ESR1: variants seen among roughly 807,000 people sequenced by gnomAD.
The protein encoded by ESR1 is estrogen receptor.
Under a neutral mutation model 52.7 loss-of-function variants are expected in ESR1, and 12 were observed. That is an observed-to-expected ratio of 0.23 (90% CI 0.15 to 0.37). The LOEUF (loss-of-function observed/expected upper bound fraction) is 0.37. Ranked by LOEUF, ESR1 falls within the 10% of genes least tolerant of loss-of-function variation. ESR1 has a pLI of 1.00. For missense variants in ESR1, 584 were observed against 779.7 expected (o/e 0.75, Z 2.99); for synonymous variants, 305 against 316.8 (o/e 0.96, Z 0.39).
At chr6:151,931,693 A>G (rs926023516) in intron 3 of ESR1, among the ~76,000 whole-genome samples, 6 of 145,856 alleles carry the variant, frequency 4.1e-5, no homozygotes, top group Non-Finnish European at 6.0e-5. Flanking sequence ...ATGAGTGAGA[A>G]TATGCGGTGT....
chr6:152,105,777 T>TC (rs2051058693), downstream of ESR1, among the ~76,000 whole-genome samples: 1 of 126,752 alleles, frequency 7.9e-6, no homozygotes, highest in South Asian at 2.8e-4. Flanking sequence ...GTATGCATCT[T>TC]TTTTTTTTTT....
intron 6 of ESR1, chr6:152,122,766 G>A: frequency 6.3e-7 from 1 of 1,594,438 alleles, no homozygotes; most frequent in Non-Finnish European, 8.5e-7. Context: ...GAAGCTAAAG[G>A]GCCATGCCAA....
intron 1 of ESR1, among the ~76,000 whole-genome samples, chr6:151,837,208 C>T (rs972823256): frequency 6.1e-5 from 9 of 147,292 alleles, no homozygotes; most frequent in African/African-American, 2.3e-4. Flanking sequence ...TCAAGCAATT[C>T]TCTGCCTCAG....
At chr6:151,687,918 G>A (rs998415334), upstream of ESR1, among the ~76,000 whole-genome samples, 12 of 152,132 alleles carry the variant, frequency 7.9e-5, no homozygotes, top group African/African-American at 2.7e-4. Flanking sequence ...GTAATGGCAT[G>A]ATACATCTCT....
chr6:152,047,072 A>G (rs1018749915), intron 5 of ESR1, among the ~76,000 whole-genome samples: 1 of 152,134 alleles, frequency 6.6e-6, no homozygotes, highest in African/African-American at 2.4e-5. Flanking sequence ...CTTGTCACTC[A>G]CGCCTTCATT....
intron 1 of ESR1, among the ~76,000 whole-genome samples, chr6:151,819,451 C>T (rs1780203936): frequency 6.6e-6 from 1 of 152,168 alleles, no homozygotes; most frequent in Non-Finnish European, 1.5e-5. Context: ...AGCTGCTCCC[C>T]ATCGCTTGCA....
rs563252412 is a variant in ESR1 at position 151,668,484 on chromosome 6, C to T, written n.73+11721C>T. On this transcript the variant is annotated intron_variant and non_coding_transcript_variant, in intron 1 of 2. Transcript: ENST00000473497. The stretch of plus-strand genomic sequence containing the variant: ...TTTTTTAGTAGAGACGGGGTTTCAC[C>T]GTGTTAGCCAGGATGGTCTTGATCT... Among the ~76,000 whole-genome samples, 70 of 152,134 alleles carry T rather than the reference C, an allele frequency of 4.6e-4. No individual in the cohort carries two copies. In the South Asian group the frequency reaches 5.6e-3, roughly 12 times the overall value.
At chr6:151,942,914 G>C (rs867506590) in intron 3 of ESR1, among the ~76,000 whole-genome samples, 3 of 152,160 alleles carry the variant, frequency 2.0e-5, no homozygotes, top group Middle Eastern at 3.4e-3. Flanking sequence ...GAAGCTTTTT[G>C]TCTTTTTAAA....
chr6:151,745,786 A>T (rs1158919337), intron 2 of ESR1, among the ~76,000 whole-genome samples: 1 of 152,100 alleles, frequency 6.6e-6, no homozygotes, highest in Non-Finnish European at 1.5e-5. Flanking sequence ...TACCATCTTG[A>T]TTTTTTAAAG....
intron 4 of ESR1, among the ~76,000 whole-genome samples, chr6:151,962,261 T>G (rs1343708029): frequency 1.3e-5 from 2 of 152,160 alleles, no homozygotes; most frequent in Non-Finnish European, 2.9e-5. Flanking sequence ...TTCTCTTTAT[T>G]CTTATCCTGA....
At chr6:151,702,031 C>T (rs1375012712) in intron 2 of ESR1, 5 of 152,200 alleles carry the variant, frequency 3.3e-5, no homozygotes, top group Non-Finnish European at 7.3e-5. Flanking sequence ...CTAGTTTCCT[C>T]TTTCTCTCTC....
At chr6:151,853,169 C>CAGAA (rs1787144659) in intron 2 of ESR1, among the ~76,000 whole-genome samples, 1 of 42,880 alleles carries the variant, frequency 2.3e-5, no homozygotes, top group Non-Finnish European at 3.9e-5. Flanking sequence ...AGACTCGTCT[C>CAGAA]AAAAAAAAAA....
intron 1 of ESR1, among the ~76,000 whole-genome samples, chr6:151,669,149 A>T (rs1262574586): frequency 1.1e-3 from 111 of 98,882 alleles, no homozygotes; most frequent in Middle Eastern, 5.6e-3. Flanking sequence ...GGGAGCTGGG[A>T]GAGAGAGAGA....
intron 2 of ESR1, among the ~76,000 whole-genome samples, chr6:151,846,964 C>T (rs1020175932): frequency 6.6e-6 from 1 of 152,178 alleles, no homozygotes; most frequent in Non-Finnish European, 1.5e-5. Flanking sequence ...GCTTCTCTTT[C>T]ATTATTATTT....
chr6:151,775,726 A>T (rs991727716), intron 2 of ESR1, among the ~76,000 whole-genome samples: 2 of 151,292 alleles, frequency 1.3e-5, no homozygotes, highest in African/African-American at 4.9e-5. Flanking sequence ...AGCCTGGGTG[A>T]CAAATCGAGA....
In ESR1 at chr6:152,003,989, T is replaced by G. The variant is rs550685263; in HGVS notation, c.1097-7667T>G. 8.9e-4 allele frequency among the ~76,000 whole-genome samples: 136 copies of G among 152,178 alleles called. 1 individual carries two copies. The highest frequency in any genetic ancestry group is 1.9e-3 in the South Asian group (9 of 4,824). On this transcript the variant is annotated intron_variant, in intron 4 of 7. Coordinates refer to ENST00000206249, the MANE Select transcript of ESR1 (RefSeq NM_000125.4). Reference sequence around the variant, plus strand: ...TTAAAGTAAAGAACAATTTCTCTCTTTGTATTATAGTTATTTTACATAAGC... The same window carrying G: ...TTAAAGTAAAGAACAATTTCTCTCTGTGTATTATAGTTATTTTACATAAGC...
chr6:151,853,902 C>G (rs1445314321), intron 2 of ESR1, among the ~76,000 whole-genome samples: 1 of 152,082 alleles, frequency 6.6e-6, no homozygotes, highest in African/African-American at 2.4e-5. Flanking sequence ...CTTTGTTTAT[C>G]AGTGGCAATA....
intron 3 of ESR1, among the ~76,000 whole-genome samples, chr6:151,921,127 C>G (rs1434674932): frequency 6.6e-6 from 1 of 152,084 alleles, no homozygotes; most frequent in East Asian, 1.9e-4. Context: ...TTGTTCCCCT[C>G]CCTGTGTCCA....
At chr6:152,022,690 G>A (rs1183999337) in intron 5 of ESR1, among the ~76,000 whole-genome samples, 1 of 152,234 alleles carries the variant, frequency 6.6e-6, no homozygotes. Context: ...AAAAAGGATG[G>A]GCCGGGTGCA....
Sources: gnomAD v4.1 joint callset for allele counts (sites outside exome capture counted in the v4.1 genomes callset) on GRCh38, gnomAD v4.1.1 for gene constraint, MANE v1.5 for transcripts, NCBI Gene and HGNC (gene_info 2026-07-23, HGNC 2026-07-21) for gene names.